Variants in FUT9 observed in about 807,000 individuals in gnomAD.
The protein encoded by FUT9 is 4-galactosyl-N-acetylglucosaminide 3-alpha-L-fucosyltransferase 9.
A neutral mutation model predicts 29.7 loss-of-function variants in FUT9; 15 were observed. The observed-to-expected ratio is 0.51, with a 90% CI of 0.34 to 0.78. The LOEUF (loss-of-function observed/expected upper bound fraction) is 0.78, where lower values mean the gene tolerates loss of function less well. Ranked by LOEUF, FUT9 falls within the 30% of genes least tolerant of loss-of-function variation. FUT9 has a pLI of 0.01. For synonymous variants in FUT9, 169 were observed against 153.7 expected (o/e 1.10, Z -0.74); for missense variants, 319 against 425.4 (o/e 0.75, Z 2.20).
At chr6:96,083,932 G>C (rs1771278059) in intron 1 of FUT9, among the ~76,000 whole-genome samples, 1 of 151,832 alleles carries the variant, frequency 6.6e-6, no homozygotes. Flanking sequence ...TGTCTTCCTT[G>C]TGTCAAGCAT....
intron 1 of FUT9, among the ~76,000 whole-genome samples, chr6:96,018,827 T>C (rs939438957): frequency 6.6e-6 from 1 of 151,640 alleles, no homozygotes; most frequent in Non-Finnish European, 1.5e-5. Flanking sequence ...AAGGGAGAGA[T>C]AGAGAGAAAG....
intron 2 of FUT9, among the ~76,000 whole-genome samples, chr6:96,157,216 G>A (rs891763983): frequency 6.6e-6 from 1 of 152,010 alleles, no homozygotes; most frequent in Non-Finnish European, 1.5e-5. Flanking sequence ...CTTCACTTTC[G>A]TTTTCTCTTG....
At chr6:96,121,334 A>T (rs1299130301) in intron 2 of FUT9, among the ~76,000 whole-genome samples, 2 of 152,290 alleles carry the variant, frequency 1.3e-5, no homozygotes, top group African/African-American at 4.8e-5. Context: ...GTAAACAAAG[A>T]TGTCAAGAAA....
intron 2 of FUT9, among the ~76,000 whole-genome samples, chr6:96,146,348 A>G (rs906641205): frequency 1.1e-4 from 17 of 152,210 alleles, no homozygotes; most frequent in Non-Finnish European, 2.1e-4. Flanking sequence ...AATTTAGTAC[A>G]CAGTCAATCC....
In FUT9 at chr6:96,210,689, A is replaced by G. The variant is rs1389302032; in HGVS notation, c.*6454A>G. 6.0e-6 allele frequency: 1 copy of G among 166,942 alleles called. No individual in the cohort carries two copies. Among genetic ancestry groups the G allele is most frequent in the African/African-American group, 2.4e-5 (1 of 41,438 alleles). The allele number at this position is 166,942 out of a possible 1,614,324, so 10.3% of individuals were successfully genotyped here. On this transcript the variant is annotated 3_prime_UTR_variant, in exon 3 of 3. Coordinates refer to ENST00000302103, the MANE Select transcript of FUT9 (RefSeq NM_006581.4). ...GACTGGTCTAGACAATTACTAGGATATATGCTTCTGTGATCTGCTTTTCTA... is the reference window on the plus strand; with the variant it reads ...GACTGGTCTAGACAATTACTAGGATGTATGCTTCTGTGATCTGCTTTTCTA...
At chr6:96,033,704 C>T (rs1770302707) in intron 1 of FUT9, among the ~76,000 whole-genome samples, 1 of 151,608 alleles carries the variant, frequency 6.6e-6, no homozygotes, top group Non-Finnish European at 1.5e-5. Context: ...TATAGACAAG[C>T]TGTCTTCTTT....
At chr6:96,188,308 C>T (rs1238680930) in intron 2 of FUT9, among the ~76,000 whole-genome samples, 1 of 151,422 alleles carries the variant, frequency 6.6e-6, no homozygotes, top group Non-Finnish European at 1.5e-5. Flanking sequence ...GACTTGTTGC[C>T]CAGGCTAGAG....
intron 1 of FUT9, among the ~76,000 whole-genome samples, chr6:96,101,096 T>C (rs529792272): frequency 6.6e-6 from 1 of 152,330 alleles, no homozygotes; most frequent in Admixed American, 6.5e-5. Flanking sequence ...AACCTAAGTG[T>C]TCTTAATTCT....
chr6:96,163,844 C>T (rs1772959281), intron 2 of FUT9, among the ~76,000 whole-genome samples: 1 of 152,134 alleles, frequency 6.6e-6, no homozygotes, highest in Non-Finnish European at 1.5e-5. Context: ...CATTTTGTAG[C>T]TAAAACCAGA....
intron 1 of FUT9, among the ~76,000 whole-genome samples, chr6:96,078,830 A>T (rs975110046): frequency 2.0e-5 from 3 of 152,172 alleles, no homozygotes; most frequent in Non-Finnish European, 4.4e-5. Context: ...GCAATTTGCT[A>T]GATATATTTC....
intron 2 of FUT9, among the ~76,000 whole-genome samples, chr6:96,186,591 G>T (rs1177562711): frequency 6.6e-6 from 1 of 152,124 alleles, no homozygotes; most frequent in Non-Finnish European, 1.5e-5. Context: ...TGTATAGAAA[G>T]AGATTTATTA....
At chr6:96,097,545 G>A (rs970847722) in intron 1 of FUT9, among the ~76,000 whole-genome samples, 4 of 152,072 alleles carry the variant, frequency 2.6e-5, no homozygotes, top group Admixed American at 2.6e-4. Context: ...TATAGTCTGA[G>A]GCATCTTTTA....
In FUT9 at chr6:96,016,067, G is replaced by T. The variant is rs1769970132; in HGVS notation, c.-243G>T. 6.5e-6 allele frequency: 1 copy of T among 152,702 alleles called. No individual in the cohort carries two copies. 9.5% of individuals were successfully genotyped at this position (152,702 alleles called of 1,614,324 possible). A position where few individuals can be genotyped will look rare whatever the true frequency, so the allele number is the denominator to read the frequency against. On this transcript the variant is annotated 5_prime_UTR_variant, in exon 1 of 3. Coordinates refer to ENST00000302103, the MANE Select transcript of FUT9 (RefSeq NM_006581.4). Reference sequence around the variant, plus strand: ...TCACTGCTCTCCCCTGCAGCTCCCCGCGCCCCCGCCGCTGTCGCTGCCTCG... The same window carrying T: ...TCACTGCTCTCCCCTGCAGCTCCCCTCGCCCCCGCCGCTGTCGCTGCCTCG...
intron 1 of FUT9, among the ~76,000 whole-genome samples, chr6:96,033,993 T>G (rs1297174001): frequency 2.0e-5 from 3 of 151,540 alleles, no homozygotes; most frequent in Non-Finnish European, 4.4e-5. Flanking sequence ...AAAAAAGGCA[T>G]AAAGACATTT....
At chr6:96,110,701 G>A (rs1296370270) in intron 1 of FUT9, among the ~76,000 whole-genome samples, 1 of 152,050 alleles carries the variant, frequency 6.6e-6, no homozygotes, top group Admixed American at 6.6e-5. Flanking sequence ...TCATTCTGTT[G>A]CCAAGGCTGG....
At chr6:96,153,629 C>T (rs900252954) in intron 2 of FUT9, among the ~76,000 whole-genome samples, 2 of 152,108 alleles carry the variant, frequency 1.3e-5, no homozygotes, top group East Asian at 1.9e-4. Flanking sequence ...AGTCTCAGAC[C>T]TTTACAAAGG....
At chr6:96,054,615 G>A (rs2127940239) in intron 1 of FUT9, among the ~76,000 whole-genome samples, 1 of 152,274 alleles carries the variant, frequency 6.6e-6, no homozygotes, top group South Asian at 2.1e-4. Context: ...ATATCATAAT[G>A]CAATGTAGCA....
chr6:96,114,657 A>G (rs1196104967), intron 2 of FUT9, among the ~76,000 whole-genome samples: 2 of 151,588 alleles, frequency 1.3e-5, no homozygotes, highest in Admixed American at 1.3e-4. Context: ...TTAATAAGTT[A>G]AATAAAAAAA....
chr6:96,110,235 GTC>G (rs1326255723), intron 1 of FUT9, among the ~76,000 whole-genome samples: 2 of 151,994 alleles, frequency 1.3e-5, no homozygotes, highest in Non-Finnish European at 2.9e-5. Context: ...ATTCCTCAGA[GTC>G]TCTACTACTT....
Sources: gnomAD v4.1 joint callset for allele counts (sites outside exome capture counted in the v4.1 genomes callset) on GRCh38, gnomAD v4.1.1 for gene constraint, MANE v1.5 for transcripts, NCBI Gene and HGNC (gene_info 2026-07-23, HGNC 2026-07-21) for gene names.